The following UBE3B variants were observed in gnomAD, a reference collection of about 807,000 sequenced individuals.
The protein encoded by UBE3B is ubiquitin-protein ligase E3B.
In UBE3B, 80 loss-of-function variants were observed where a neutral mutation model predicts 132.3. The ratio of observed to expected loss-of-function variants is 0.60; its 90% CI spans 0.50 to 0.73. UBE3B has a LOEUF of 0.73. UBE3B is among the 30% of genes least tolerant of loss of function. The pLI is 0.00. For missense variants in UBE3B, 1,196 were observed against 1,362.5 expected (o/e 0.88, Z 1.92); for synonymous variants, 487 against 520.4 (o/e 0.94, Z 0.87).
At chr12:109,499,514 A>G (rs1013543092) in intron 11 of UBE3B, 119 bp from the exon 12 acceptor site, 2 of 1,012,432 alleles carry the variant, frequency 2.0e-6, no homozygotes, top group African/African-American at 3.4e-5. Flanking sequence ...GGTGCCCCTT[A>G]TGTGGAAATT....
At chr12:109,530,410 T>A (rs976331469) in intron 25 of UBE3B, 137 bp from the exon 26 acceptor site, 2 of 701,154 alleles carry the variant, frequency 2.9e-6, no homozygotes, top group African/African-American at 3.6e-5. Context: ...AGGCATGAAC[T>A]TCTGGCTTTA....
intron 17 of UBE3B, among the ~76,000 whole-genome samples, chr12:109,510,666 G>T (rs1167727966): frequency 2.6e-5 from 4 of 152,230 alleles, no homozygotes; most frequent in Non-Finnish European, 4.4e-5. Context: ...TATGATTAGA[G>T]TTAATTAATG....
intron 16 of UBE3B, among the ~76,000 whole-genome samples, chr12:109,509,953 A>G (rs1435456518): frequency 6.6e-6 from 1 of 152,170 alleles, no homozygotes; most frequent in East Asian, 1.9e-4. Context: ...TGTGTCGAGG[A>G]TTATTAATGA....
downstream of UBE3B, among the ~76,000 whole-genome samples, chr12:109,539,466 C>A (rs1002541061): frequency 6.6e-6 from 1 of 152,208 alleles, no homozygotes; most frequent in Non-Finnish European, 1.5e-5. Flanking sequence ...TGGGTGCAAA[C>A]CCCAGCTCTG....
intron 9 of UBE3B, 34 bp downstream of exon 9, chr12:109,491,161 G>T: frequency 6.3e-7 from 1 of 1,594,320 alleles, no homozygotes; most frequent in South Asian, 1.1e-5. Flanking sequence ...GTGTTGGCAT[G>T]TTCTTGAATG....
chr12:109,510,579 T>C (rs1368934383), intron 17 of UBE3B, 121 bp downstream of exon 17: 2 of 776,328 alleles, frequency 2.6e-6, no homozygotes, highest in African/African-American at 1.7e-5. Flanking sequence ...ATTTTGTCTG[T>C]TCATTTGTGT....
intron 19 of UBE3B, among the ~76,000 whole-genome samples, chr12:109,517,181 C>G (rs902550908): frequency 6.6e-6 from 1 of 152,164 alleles, no homozygotes; most frequent in Non-Finnish European, 1.5e-5. Flanking sequence ...ACAGGAGCTG[C>G]CAGTCACAGC....
chr12:109,498,748 G>A (rs550471391), intron 11 of UBE3B, among the ~76,000 whole-genome samples: 206 of 152,182 alleles, frequency 1.4e-3, no homozygotes, highest in African/African-American at 4.8e-3. Context: ...TGGAAGAAAG[G>A]GTTTATGAAT....
intron 11 of UBE3B, among the ~76,000 whole-genome samples, chr12:109,499,204 G>A (rs1348116376): frequency 6.6e-5 from 10 of 152,132 alleles, no homozygotes; most frequent in Non-Finnish European, 1.3e-4. Context: ...GACTTCCCAC[G>A]ACACTCAGAT....
Position 109,535,182 on chromosome 12 carries a change from A to T in UBE3B, c.*400A>T, listed in dbSNP as rs891251269. The T allele has an allele frequency of 1.2e-5, 2 of 162,218 alleles. No homozygotes were observed. The highest frequency in any genetic ancestry group is 1.8e-4 in the East Asian group (1 of 5,678). The allele number at this position is 162,218 out of a possible 1,614,324, so 10.0% of individuals were successfully genotyped here. A position where few individuals can be genotyped will look rare whatever the true frequency, so the allele number is the denominator to read the frequency against. ...GGTTTTTGCAGCATGGGTTGAGTGTACAAAGCCTACTGTGCGTGAGATCCT... is the reference window on the plus strand; with the variant it reads ...GGTTTTTGCAGCATGGGTTGAGTGTTCAAAGCCTACTGTGCGTGAGATCCT... On this transcript the variant is annotated 3_prime_UTR_variant, in exon 28 of 28. Transcript: ENST00000342494.
At chr12:109,484,752 C>T (rs904639965) in intron 4 of UBE3B, among the ~76,000 whole-genome samples, 2 of 140,576 alleles carry the variant, frequency 1.4e-5, no homozygotes, top group Non-Finnish European at 3.1e-5. Flanking sequence ...GCTCAATGTT[C>T]GTTCATTCAT....
At chr12:109,490,738 T>C (rs1877333233) in intron 8 of UBE3B, 2 of 1,412,190 alleles carry the variant, frequency 1.4e-6, no homozygotes, top group Non-Finnish European at 1.8e-6. Context: ...AGAGAAAGAG[T>C]GGTAGAGTTA....
chr12:109,509,574 G>T (rs1880106595), intron 15 of UBE3B, 22 bp from the exon 16 acceptor site: 2 of 1,526,618 alleles, frequency 1.3e-6, no homozygotes, highest in South Asian at 2.4e-5. Flanking sequence ...TGGAATTGTG[G>T]GTAATTTTCT....
chr12:109,517,744 A>C (rs900490877), intron 19 of UBE3B, among the ~76,000 whole-genome samples: 3 of 152,156 alleles, frequency 2.0e-5, no homozygotes, highest in African/African-American at 7.2e-5. Flanking sequence ...CTCCAGCTGC[A>C]GTTCCCCATG....
At chr12:109,485,898 A>C in intron 4 of UBE3B, 114 bp from the exon 5 acceptor site, 2 of 1,116,434 alleles carry the variant, frequency 1.8e-6, no homozygotes, top group Admixed American at 4.3e-5. Flanking sequence ...ATTATGTGTG[A>C]ATCACCTGGC....
In UBE3B at chr12:109,533,573, T is replaced by A. The variant is rs769109805; in HGVS notation, c.3015+15T>A. 1.2e-6 allele frequency: 2 copies of A among 1,608,492 alleles called. No homozygotes were observed. Among genetic ancestry groups the A allele is most frequent in the South Asian group, 1.1e-5 (1 of 90,972 alleles). Reference sequence around the variant, plus strand: ...CGGACGATCAGGTACCCCCACGGGGTGGGTGGGGAAGAGCCTTGACTTCCC... The same window carrying A: ...CGGACGATCAGGTACCCCCACGGGGAGGGTGGGGAAGAGCCTTGACTTCCC... On this transcript the variant is annotated intron_variant, in intron 27 of 27. Coordinates refer to ENST00000342494, the MANE Select transcript of UBE3B (RefSeq NM_130466.4).
At chr12:109,527,590 CA>C (rs1409573205) in intron 24 of UBE3B, among the ~76,000 whole-genome samples, 1 of 152,218 alleles carries the variant, frequency 6.6e-6, no homozygotes, top group Non-Finnish European at 1.5e-5. Context: ...TCAGAAACGT[CA>C]GGAGAACAGA....
At chr12:109,545,909 C>T in the UBE3B span, among the ~76,000 whole-genome samples, 1 of 152,164 alleles carries the variant, frequency 6.6e-6, no homozygotes, top group African/African-American at 2.4e-5. Flanking sequence ...AGCTGGATTT[C>T]AGGGTGTGCT....
chr12:109,522,420 G>A lies in UBE3B; in HGVS notation c.2364+869G>A, dbSNP rs1298108915. ...GAGAGTCCTGTTTCCCAGGAGGAAG[G>A]AAAGCTGCAGCACAAGCCCAGCCAG... is the stretch of plus-strand genomic sequence containing the variant. On this transcript the variant is annotated intron_variant, in intron 21 of 27. Transcript: ENST00000342494. This position sits in a 1 kb window ranked among gnomAD's most constrained non-coding sequence, Gnocchi z 4.2. 1.3e-5 allele frequency among the ~76,000 whole-genome samples: 2 copies of A among 152,208 alleles called. No homozygotes were observed. Among genetic ancestry groups the A allele is most frequent in the Non-Finnish European group, 2.9e-5 (2 of 68,038 alleles).
Sources: gnomAD v4.1 joint callset for allele counts (sites outside exome capture counted in the v4.1 genomes callset) on GRCh38, gnomAD v4.1.1 for gene constraint, Gnocchi (gnomAD v3.1) non-coding constraint, MANE v1.5 for transcripts, NCBI Gene and HGNC (gene_info 2026-07-23, HGNC 2026-07-21) for gene names.